MGMT: variants seen among roughly 807,000 people sequenced by gnomAD.
MGMT encodes O-6-methylguanine-DNA methyltransferase, also known as methylated-DNA--protein-cysteine methyltransferase.
Under a neutral mutation model 15.9 loss-of-function variants are expected in MGMT, and 14 were observed. The observed-to-expected ratio is 0.88, with a 90% CI of 0.58 to 1.37. MGMT has a LOEUF of 1.37. Ranked by LOEUF, MGMT falls within the 40% of genes most tolerant of loss-of-function variation. The pLI is 0.00. For missense variants in MGMT, 282 were observed against 268.1 expected (o/e 1.05, Z -0.36); for synonymous variants, 130 against 118.2 (o/e 1.10, Z -0.65).
intron 2 of MGMT, among the ~76,000 whole-genome samples, chr10:129,619,803 A>G (rs1371416926): frequency 6.6e-6 from 1 of 152,232 alleles, no homozygotes; most frequent in East Asian, 1.9e-4. Flanking sequence ...AGGGCACGCC[A>G]TGATGATGCT....
chr10:129,694,834 T>G lies in MGMT; in HGVS notation c.126-13061T>G, dbSNP rs79100872. The stretch of plus-strand genomic sequence containing the variant: ...AGCATCTGAACTCTGGCCTCCAGCA[T>G]GATTTCATCCTTTAAACTGAAAACC... On this transcript the variant is annotated intron_variant, in intron 2 of 4. Transcript: ENST00000651593. 2.1e-3 allele frequency among the ~76,000 whole-genome samples: 324 copies of G among 152,314 alleles called. 1 individual carries two copies. Among genetic ancestry groups the G allele is most frequent in the African/African-American group, 6.9e-3 (286 of 41,564 alleles).
Position 129,766,952 on chromosome 10 carries a change from G to A in MGMT, c.579G>A (p.Lys193=), listed in dbSNP as rs748774050. The A allele has an allele frequency of 6.2e-7, 1 of 1,610,896 alleles. No individual in the cohort carries two copies. The change falls in exon 5 of 5, where the codon AAG becomes AAA. Residue 193 remains lysine, a synonymous_variant. Coordinates refer to ENST00000651593, the MANE Select transcript of MGMT (RefSeq NM_002412.5). ...CAGGTCTGGCAGGGGCCTGGCTCAA[G>A]GGAGCGGGAGCTACCTCGGGCTCCC... ...GSSGLAGAWL[K]GAGATSGSPP...
At chr10:129,493,775 C>G (rs1000731936) in intron 1 of MGMT, among the ~76,000 whole-genome samples, 1 of 152,130 alleles carries the variant, frequency 6.6e-6, no homozygotes, top group African/African-American at 2.4e-5. Context: ...ATATTTCTGC[C>G]TTCAATCTGG....
At chr10:129,581,968 C>T (rs763573113) in intron 2 of MGMT, among the ~76,000 whole-genome samples, 2 of 152,210 alleles carry the variant, frequency 1.3e-5, no homozygotes, top group South Asian at 2.1e-4. Flanking sequence ...TTGTAGGAGG[C>T]GCTCTGCCTG....
chr10:129,759,447 G>C, intron 4 of MGMT, 106 bp downstream of exon 4: 1 of 1,535,846 alleles, frequency 6.5e-7, no homozygotes, highest in South Asian at 1.2e-5. Flanking sequence ...GTGCTGCTGG[G>C]GTGGGCAGAG....
At chr10:129,663,175 C>A (rs1362110260) in intron 2 of MGMT, among the ~76,000 whole-genome samples, 1 of 152,166 alleles carries the variant, frequency 6.6e-6, no homozygotes, top group Non-Finnish European at 1.5e-5. Context: ...AGAATTGTTA[C>A]AATCAACATT....
intron 2 of MGMT, among the ~76,000 whole-genome samples, chr10:129,544,703 G>T (rs559266698): frequency 6.6e-6 from 1 of 152,330 alleles, no homozygotes; most frequent in African/African-American, 2.4e-5. Context: ...GTCTGCGCTG[G>T]GCTTGCATTG....
chr10:129,736,429 T>A (rs1848561589), intron 3 of MGMT, among the ~76,000 whole-genome samples: 1 of 149,842 alleles, frequency 6.7e-6, no homozygotes, highest in Admixed American at 6.7e-5. Context: ...TCTTCCTCCA[T>A]CCTTTTATTT....
chr10:129,542,464 AAGG>A (rs902787690), intron 2 of MGMT, among the ~76,000 whole-genome samples: 8 of 152,142 alleles, frequency 5.3e-5, no homozygotes, highest in African/African-American at 1.7e-4. Context: ...TTGATCTTTC[AAGG>A]AGGAGAAGAA....
intron 3 of MGMT, among the ~76,000 whole-genome samples, chr10:129,719,445 T>C (rs73394610): frequency 0.033 from 5,043 of 152,276 alleles, 262 homozygotes; most frequent in African/African-American, 0.11. Context: ...ACTGGGGTCT[T>C]ATACAACAGA....
chr10:129,643,249 G>A (rs1201831891), intron 2 of MGMT, among the ~76,000 whole-genome samples: 1 of 152,088 alleles, frequency 6.6e-6, no homozygotes, highest in African/African-American at 2.4e-5. Flanking sequence ...AGGAGGGCTG[G>A]GAGATAGCAG....
intron 2 of MGMT, among the ~76,000 whole-genome samples, chr10:129,696,171 G>A (rs561059690): frequency 3.3e-5 from 5 of 152,272 alleles, no homozygotes; most frequent in African/African-American, 1.2e-4. Context: ...GAGAAATGAG[G>A]GTACAGCATA....
chr10:129,735,164 G>C (rs1848545663), intron 3 of MGMT, among the ~76,000 whole-genome samples: 1 of 152,224 alleles, frequency 6.6e-6, no homozygotes, highest in African/African-American at 2.4e-5. Context: ...ACCTCTGGTA[G>C]AATTCGGCTG....
chr10:129,689,939 C>A (rs1210254545), intron 2 of MGMT, among the ~76,000 whole-genome samples: 2 of 152,172 alleles, frequency 1.3e-5, no homozygotes, highest in African/African-American at 4.8e-5. Flanking sequence ...ATGTAGATGG[C>A]AAGATATTAA....
At chr10:129,472,874 CATTT>C (rs1439152582) in intron 1 of MGMT, among the ~76,000 whole-genome samples, 2 of 152,216 alleles carry the variant, frequency 1.3e-5, no homozygotes, top group East Asian at 3.9e-4. Context: ...GTTCCCTATT[CATTT>C]ACTAGGTCCC....
intron 2 of MGMT, among the ~76,000 whole-genome samples, chr10:129,546,415 G>C (rs1366389863): frequency 6.6e-6 from 1 of 152,236 alleles, no homozygotes; most frequent in East Asian, 1.9e-4. Context: ...AGGATGTAGG[G>C]GCATGGAGGG....
intron 3 of MGMT, among the ~76,000 whole-genome samples, chr10:129,715,950 G>C (rs972446049): frequency 6.6e-6 from 1 of 152,082 alleles, no homozygotes; most frequent in Non-Finnish European, 1.5e-5. Context: ...AAATATTTAC[G>C]TAGAGGGAAC....
intron 1 of MGMT, among the ~76,000 whole-genome samples, chr10:129,509,754 T>G (rs1356332420): frequency 6.6e-6 from 1 of 152,342 alleles, no homozygotes; most frequent in East Asian, 1.9e-4. Flanking sequence ...TCCATTGAAA[T>G]CTATATATGT....
intron 2 of MGMT, among the ~76,000 whole-genome samples, chr10:129,671,909 C>G (rs1847728945): frequency 6.6e-6 from 1 of 152,160 alleles, no homozygotes; most frequent in Non-Finnish European, 1.5e-5. Context: ...CAAAGTCATG[C>G]TATAAGAATC....
Sources: gnomAD v4.1 joint callset for allele counts (sites outside exome capture counted in the v4.1 genomes callset) on GRCh38, gnomAD v4.1.1 for gene constraint, MANE v1.5 for transcripts, NCBI Gene and HGNC (gene_info 2026-07-23, HGNC 2026-07-21) for gene names.